The following LMTK2 variants were observed in gnomAD, a reference collection of about 807,000 sequenced individuals.
LMTK2 encodes the protein serine/threonine-protein kinase LMTK2.
LMTK2 carries 37 observed loss-of-function variants against 127.5 expected under a neutral mutation model. The observed-to-expected ratio is 0.29, with a 90% confidence interval of 0.22 to 0.38. The LOEUF is 0.38. Ranked by LOEUF, LMTK2 falls within the 10% of genes least tolerant of loss-of-function variation. The pLI is 1.00. For synonymous variants in LMTK2, 819 were observed against 810.1 expected (o/e 1.01, Z -0.19); for missense variants, 1,694 against 1,920.3 (o/e 0.88, Z 2.20).
chr7:98,146,417 G>C (rs1021990483), intron 3 of LMTK2, among the ~76,000 whole-genome samples: 2 of 146,382 alleles, frequency 1.4e-5, no homozygotes, highest in Non-Finnish European at 3.0e-5. Flanking sequence ...TTTTATTTTA[G>C]TCTAGTCAAG....
intron 11 of LMTK2, among the ~76,000 whole-genome samples, chr7:98,199,747 G>C (rs558309027): frequency 6.6e-6 from 1 of 152,276 alleles, no homozygotes; most frequent in African/African-American, 2.4e-5. Flanking sequence ...CGCCCGCCTC[G>C]GTCTTCGAAA....
At position 98,136,505 on chromosome 7, in the gene LMTK2, A is replaced by G. The variant is rs78426426; in HGVS notation, c.104-810A>G. On this transcript the variant is annotated intron_variant, in intron 1 of 13. Coordinates refer to ENST00000297293, the MANE Select transcript of LMTK2 (RefSeq NM_014916.4). The stretch of plus-strand genomic sequence containing the variant: ...ACTGGAGGGTTTTTAACCTGTGTCT[A>G]CAGACTCTACTACTCCTCCCTCCAG... 8.7e-3 allele frequency among the ~76,000 whole-genome samples: 1,321 copies of G among 152,266 alleles called. 22 individuals are homozygous for G. The highest frequency in any genetic ancestry group is 0.03 in the African/African-American group (1,233 of 41,546).
At chr7:98,183,375 T>G (rs193142850) in intron 7 of LMTK2, among the ~76,000 whole-genome samples, 1 of 152,316 alleles carries the variant, frequency 6.6e-6, no homozygotes, top group East Asian at 1.9e-4. Context: ...CTCCCTTATA[T>G]GGAATTTCAG....
chr7:98,107,118 A>AACGGACGG lies in LMTK2; in HGVS notation c.-50_-43dup, dbSNP rs917289159. 2.3e-6 allele frequency: 3 copies of AACGGACGG among 1,294,366 alleles called. No individual in the cohort carries two copies. The South Asian group carries it at 4.9e-5, about 21-fold the overall frequency. The allele number at this position is 1,294,366 out of a possible 1,614,324, so 80.2% of individuals were successfully genotyped here. A position where few individuals can be genotyped will look rare whatever the true frequency, so the allele number is the denominator to read the frequency against. ...GGGAGGCAGGATCGACTGACGGGCG[A>AACGGACGG]ACGGACGGACGGACGGAAGGCGACT... On this transcript the variant is annotated 5_prime_UTR_variant, in exon 1 of 14. Transcript: ENST00000297293.
intron 11 of LMTK2, among the ~76,000 whole-genome samples, chr7:98,198,872 C>T (rs1797669982): frequency 6.6e-6 from 1 of 152,152 alleles, no homozygotes; most frequent in Non-Finnish European, 1.5e-5. Flanking sequence ...TTTTCGTTTT[C>T]ATTCAGATCA....
intron 4 of LMTK2, 42 bp downstream of exon 4, chr7:98,151,497 A>T: frequency 2.1e-6 from 3 of 1,448,578 alleles, no homozygotes; most frequent in Non-Finnish European, 2.9e-6. Flanking sequence ...TCTGAATGAT[A>T]CTGTGTTCAG....
At chr7:98,153,580 A>T (rs564777802) in intron 4 of LMTK2, among the ~76,000 whole-genome samples, 1 of 152,346 alleles carries the variant, frequency 6.6e-6, no homozygotes, top group East Asian at 1.9e-4. Flanking sequence ...TTACTCCTCA[A>T]GGAGCAATAG....
chr7:98,165,732 C>T (rs143285280), intron 6 of LMTK2, among the ~76,000 whole-genome samples: 2,064 of 152,216 alleles, frequency 0.014, 51 homozygotes, highest in African/African-American at 0.048. Context: ...TAATAAGCCC[C>T]ATGCACCAGG....
At chr7:98,109,452 C>T (rs145675756) in intron 1 of LMTK2, among the ~76,000 whole-genome samples, 188 of 152,028 alleles carry the variant, frequency 1.2e-3, no homozygotes, top group African/African-American at 4.3e-3. Context: ...GTGGAAAAGA[C>T]GCACAGTCAG....
At chr7:98,145,835 G>C (rs1175913310) in intron 3 of LMTK2, among the ~76,000 whole-genome samples, 1 of 152,102 alleles carries the variant, frequency 6.6e-6, no homozygotes, top group Non-Finnish European at 1.5e-5. Flanking sequence ...CAGTTTATCT[G>C]TTTTTTACTT....
chr7:98,119,023 C>T (rs541635927), intron 1 of LMTK2, among the ~76,000 whole-genome samples: 10 of 146,042 alleles, frequency 6.8e-5, no homozygotes, highest in Middle Eastern at 3.6e-3. Flanking sequence ...ACCTGGGAGG[C>T]GGAGGTTGCA....
chr7:98,199,483 A>G (rs1388941233), intron 11 of LMTK2, among the ~76,000 whole-genome samples: 1 of 151,964 alleles, frequency 6.6e-6, no homozygotes, highest in African/African-American at 2.4e-5. Context: ...CCTTATATTC[A>G]TAGAGCTGCT....
chr7:98,178,610 T>A (rs1403046009), intron 7 of LMTK2, among the ~76,000 whole-genome samples: 1 of 152,200 alleles, frequency 6.6e-6, no homozygotes, highest in African/African-American at 2.4e-5. Flanking sequence ...GGCTGTGTGT[T>A]TGCATTTCCT....
chr7:98,141,309 T>G, intron 2 of LMTK2, 88 bp from the exon 3 acceptor site: 1 of 1,254,888 alleles, frequency 8.0e-7, no homozygotes, highest in African/African-American at 1.5e-5. Context: ...AAAATAATTG[T>G]GGCAGCAAGT....
chr7:98,126,114 G>T (rs1252647564), intron 1 of LMTK2, among the ~76,000 whole-genome samples: 1 of 152,186 alleles, frequency 6.6e-6, no homozygotes, highest in Non-Finnish European at 1.5e-5. Flanking sequence ...AGAAAAAGTA[G>T]ACATGTTTTT....
Position 98,192,993 on chromosome 7 carries a change from C to A in LMTK2, c.2528C>A (p.Thr843Lys), listed in dbSNP as rs61734172. Residue 843 changes from threonine (T) to lysine (K), a missense_variant, in exon 11 of 14, where the codon ACG becomes AAG. Thr to Lys is a moderately conservative substitution (Grantham distance 78). Transcript: ENST00000297293. Reference protein sequence around the residue: ...SLPTQGETQPTCLDVIVPEDC... With the variant: ...SLPTQGETQPKCLDVIVPEDC... The stretch of plus-strand genomic sequence containing the variant: ...CCAACACAGGGAGAAACCCAGCCCA[C>A]GTGTTTAGATGTTATTGTCCCGGAG... 6.2e-7 allele frequency: 1 copy of A among 1,614,088 alleles called. No individual in the cohort carries two copies. Among genetic ancestry groups the A allele is most frequent in the Non-Finnish European group, 8.5e-7 (1 of 1,180,010 alleles).
At position 98,107,068 on chromosome 7, in the gene LMTK2, G is replaced by C; in HGVS notation, c.-110G>C. ...AGCAACGTGTGCTCGGGAGCAACCG[G>C]CGCGGGTGCCACTGAGGCAGCGGAG... On this transcript the variant is annotated 5_prime_UTR_variant, in exon 1 of 14. Coordinates refer to ENST00000297293, the MANE Select transcript of LMTK2 (RefSeq NM_014916.4). 1.2e-6 allele frequency: 1 copy of C among 807,278 alleles called. No homozygotes were observed. The highest frequency in any genetic ancestry group is 2.4e-5 in the South Asian group (1 of 41,932). The allele number at this position is 807,278 out of a possible 1,614,324, so 50.0% of individuals were successfully genotyped here. A position where few individuals can be genotyped will look rare whatever the true frequency, so the allele number is the denominator to read the frequency against.
In LMTK2 at chr7:98,193,065, T is replaced by C. The variant is rs756274074; in HGVS notation, c.2600T>C (p.Val867Ala). ...DISPDAVTVP[V>A]EILSTDARTH... The stretch of plus-strand genomic sequence containing the variant: ...AGTCCAGACGCTGTGACTGTCCCGG[T>C]TGAAATTCTCTCAACTGATGCCAGA... Residue 867 changes from valine to alanine, a missense_variant, in exon 11 of 14, where the codon GTT becomes GCT. Physicochemically the swap from Val to Ala is moderately conservative, Grantham distance 64 (BLOSUM62 0). This residue lies in a region of LMTK2 where 527 missense variants were observed against 539.8 expected (regional missense o/e 0.98). Coordinates refer to ENST00000297293, the MANE Select transcript of LMTK2 (RefSeq NM_014916.4). This position sits in a 1 kb window ranked among gnomAD's most constrained non-coding sequence, Gnocchi z 4.1. The C allele has an allele frequency of 2.4e-5, 38 of 1,613,664 alleles. No individual in the cohort carries two copies. The highest frequency in any genetic ancestry group is 2.8e-5 in the Non-Finnish European group (33 of 1,180,000).
intron 7 of LMTK2, among the ~76,000 whole-genome samples, chr7:98,178,108 C>T (rs1025988828): frequency 1.3e-5 from 2 of 152,254 alleles, no homozygotes; most frequent in Middle Eastern, 6.8e-3. Context: ...AAATGGGGAT[C>T]GTCTTTAAAG....
Sources: allele counts gnomAD v4.1 joint callset (sites outside exome capture counted in the v4.1 genomes callset), GRCh38; gene constraint gnomAD v4.1.1; regional missense constraint gnomAD v4.1.1; non-coding constraint Gnocchi (gnomAD v3.1); transcripts MANE v1.5; gene names NCBI Gene and HGNC (gene_info 2026-07-23, HGNC 2026-07-21).